PI4KA: variants seen among roughly 807,000 people sequenced by gnomAD.
PI4KA encodes the protein phosphatidylinositol 4-kinase alpha, also known as PI4-kinase alpha.
Under a neutral mutation model 271.4 loss-of-function variants are expected in PI4KA, and 122 were observed. The observed-to-expected ratio is 0.45, with a 90% CI of 0.39 to 0.52. The LOEUF (loss-of-function observed/expected upper bound fraction) is 0.52, where lower values mean the gene tolerates loss of function less well. Ranked by LOEUF, PI4KA falls within the 20% of genes least tolerant of loss-of-function variation. The pLI, the probability that PI4KA is intolerant of heterozygous loss-of-function variation, is 0.00. For synonymous variants in PI4KA, 1,041 were observed against 1,078.8 expected, an observed-to-expected ratio of 0.96 and a Z score of 0.69; for missense variants, 1,969 against 2,769.1, an observed-to-expected ratio of 0.71 and a Z score of 6.48.
chr22:20,761,334 CA>C lies in PI4KA; in HGVS notation c.2760del (p.Phe920LeufsTer13). 6.2e-7 allele frequency: 1 copy of C among 1,610,558 alleles called. No homozygotes were observed. The highest frequency in any genetic ancestry group is 1.1e-5 in the South Asian group (1 of 90,990). On this transcript the variant is annotated frameshift_variant, in exon 23 of 55. Coordinates refer to ENST00000255882, the MANE Select transcript of PI4KA (RefSeq NM_058004.4). LOFTEE classifies it high-confidence loss of function. ...TTGTCTTTCTGAATAGCTTTATCCT[CA>C]AAGTAGCAGAACATTACCTGGAAGC... is the stretch of plus-strand genomic sequence containing the variant. ...PDRFQVMFCY[F>X]EDKAIQKDKS... is the part of the protein sequence containing the mutation.
chr22:20,795,946 A>G (rs775524065), intron 18 of PI4KA, among the ~76,000 whole-genome samples, 200 bp downstream of exon 18: 1 of 152,178 alleles, frequency 6.6e-6, no homozygotes, highest in African/African-American at 2.4e-5. Context: ...GATATAACCC[A>G]GTGAGAAAAC....
chr22:20,727,496 G>A (rs1927502037), intron 40 of PI4KA, 99 bp from the exon 41 acceptor site: 1 of 1,156,864 alleles, frequency 8.6e-7, no homozygotes, highest in African/African-American at 1.6e-5. Flanking sequence ...GAGAAGTGAT[G>A]TTTCTAAGCA....
At chr22:20,858,285 T>C (rs1927873387) in intron 1 of PI4KA, among the ~76,000 whole-genome samples, 1 of 152,106 alleles carries the variant, frequency 6.6e-6, no homozygotes, top group Admixed American at 6.5e-5. Context: ...TGTCACAAGA[T>C]GCTCCCTGGG....
At chr22:20,724,029 G>A (rs1204594366) in intron 42 of PI4KA, among the ~76,000 whole-genome samples, 14 of 151,626 alleles carry the variant, frequency 9.2e-5, no homozygotes, top group Admixed American at 8.5e-4. Flanking sequence ...TAGTAGAGAC[G>A]GGGTTTCACT....
At chr22:20,809,743 C>T (rs1219852018) in intron 9 of PI4KA, among the ~76,000 whole-genome samples, 3 of 152,132 alleles carry the variant, frequency 2.0e-5, no homozygotes, top group African/African-American at 7.2e-5. Flanking sequence ...AGAACGACAA[C>T]CTGAAAAAGG....
intron 19 of PI4KA, among the ~76,000 whole-genome samples, chr22:20,785,755 TAGGAAACGAACCATACAGTCTCA>T (rs1934168163): frequency 1.3e-5 from 2 of 152,040 alleles, no homozygotes; most frequent in Non-Finnish European, 2.9e-5. Flanking sequence ...ACCTTGAAGA[TAGGAAACGAACCATACAGTCTCA>T]AGGAAATAAT....
At chr22:20,818,733 CTT>C (rs2147688414) in intron 6 of PI4KA, among the ~76,000 whole-genome samples, 184 bp from the exon 7 acceptor site, 1 of 152,288 alleles carries the variant, frequency 6.6e-6, no homozygotes, top group East Asian at 1.9e-4. Flanking sequence ...TCACTAAATT[CTT>C]TGTGTTTAGC....
chr22:20,837,883 C>T (rs1362877065), intron 2 of PI4KA, among the ~76,000 whole-genome samples: 3 of 152,108 alleles, frequency 2.0e-5, no homozygotes, highest in Non-Finnish European at 2.9e-5. Flanking sequence ...CTTTGGGAGG[C>T]AGAGGCAGGC....
intron 18 of PI4KA, among the ~76,000 whole-genome samples, chr22:20,794,115 T>C: frequency 6.6e-6 from 1 of 152,168 alleles, no homozygotes; most frequent in African/African-American, 2.4e-5. Context: ...TTTTTGAAAA[T>C]TTAAAAAGAA....
At position 20,721,229 on chromosome 22, in the gene PI4KA, G is replaced by A; in HGVS notation, c.5116+69C>T. ...AGTGCAGGCTGGCGAGAGCCCTGGG[G>A]GCTGTAGAAGGTGCTTGGCAGTGCA... On this transcript the variant is annotated intron_variant, in intron 43 of 54. Transcript: ENST00000255882. 8 of 1,553,082 alleles carry A rather than the reference G, an allele frequency of 5.2e-6. No individual in the cohort carries two copies. The South Asian group carries it at 9.0e-5, about 17-fold the overall frequency.
chr22:20,712,835 G>A (rs919822527), intron 48 of PI4KA, 38 bp from the exon 49 acceptor site: 315 of 1,550,472 alleles, frequency 2.0e-4, no homozygotes, highest in African/African-American at 2.6e-4. Context: ...GTCAGTTGGC[G>A]TCCTTGCACC....
At chr22:20,793,916 T>C (rs757666917) in intron 18 of PI4KA, among the ~76,000 whole-genome samples, 17 of 152,258 alleles carry the variant, frequency 1.1e-4, no homozygotes, top group Non-Finnish European at 2.5e-4. Flanking sequence ...TCTTAATCTA[T>C]AATAACAGCA....
rs1928407739 is a variant in PI4KA at position 20,734,121 on chromosome 22, T to C, written c.3974A>G (p.Gln1325Arg). The change falls in exon 34 of 55, where the codon CAG becomes CGG. Residue 1325 changes from glutamine (Q) to arginine (R), a missense_variant. Coordinates refer to ENST00000255882, the MANE Select transcript of PI4KA (RefSeq NM_058004.4). ...GCCGATGTTCAGGGACATGGAGCGC[T>C]GCAGCAGGCTGGAGAAGATCTCCAC... Reference protein sequence around the residue: ...DQVEIFSSLLQRSMSLNIGGA... With the variant: ...DQVEIFSSLLRRSMSLNIGGA... 1.9e-6 allele frequency: 3 copies of C among 1,598,506 alleles called. No homozygotes were observed. The highest frequency in any genetic ancestry group is 4.5e-5 in the East Asian group (2 of 44,080).
At chr22:20,781,475 C>A (rs165583) in intron 19 of PI4KA, among the ~76,000 whole-genome samples, 66,750 of 152,018 alleles carry the variant, frequency 0.44, 14,781 homozygotes, top group African/African-American at 0.48. Context: ...GAAGGAGACC[C>A]CCCCCAGCTC....
chr22:20,775,494 G>A (rs1326730208), intron 19 of PI4KA, among the ~76,000 whole-genome samples: 1 of 152,166 alleles, frequency 6.6e-6, no homozygotes, highest in African/African-American at 2.4e-5. Context: ...TATAACTTCT[G>A]AATACCGGGA....
intron 3 of PI4KA, among the ~76,000 whole-genome samples, chr22:20,824,797 G>A (rs965003593): frequency 9.3e-5 from 14 of 150,398 alleles, no homozygotes; most frequent in African/African-American, 2.9e-4. Context: ...TCGGCTGGGC[G>A]AAGTGGCTCA....
Position 20,784,137 on chromosome 22 carries a change from G to A in PI4KA, c.2328+9056C>T, listed in dbSNP as rs1174158324. On this transcript the variant is annotated intron_variant, in intron 19 of 54. Coordinates refer to ENST00000255882, the MANE Select transcript of PI4KA (RefSeq NM_058004.4). ...ATCCTCCAGCTGGAATACGTGGGGG[G>A]CATCAGCATGCTAATTGTGGTCCCA... is the stretch of plus-strand genomic sequence containing the variant. 5 of 1,614,054 alleles carry A rather than the reference G, an allele frequency of 3.1e-6. No homozygotes were observed. The South Asian group carries it at 4.4e-5, about 14-fold the overall frequency.
At position 20,765,573 on chromosome 22, in the gene PI4KA, T is replaced by A. The variant is rs376416182; in HGVS notation, c.2437+12A>T. 1.6e-5 allele frequency: 24 copies of A among 1,541,448 alleles called. No homozygotes were observed. In the African/African-American group the frequency reaches 3.1e-4, roughly 20 times the overall value. ...CACTCCGTCTTCACTGGGAGAGAGATGATCCCCCTACCTGAGCCCTCCACA... is the reference window on the plus strand; with the variant it reads ...CACTCCGTCTTCACTGGGAGAGAGAAGATCCCCCTACCTGAGCCCTCCACA... On this transcript the variant is annotated intron_variant, in intron 20 of 54. Transcript: ENST00000255882.
intron 18 of PI4KA, among the ~76,000 whole-genome samples, chr22:20,794,783 A>G (rs1451039368): frequency 6.6e-6 from 1 of 152,186 alleles, no homozygotes; most frequent in African/African-American, 2.4e-5. Flanking sequence ...CATCTAGAGC[A>G]AGGGCTGGTA....
Sources: allele counts gnomAD v4.1 joint callset (sites outside exome capture counted in the v4.1 genomes callset), GRCh38; gene constraint gnomAD v4.1.1; transcripts MANE v1.5; gene names NCBI Gene and HGNC (gene_info 2026-07-23, HGNC 2026-07-21).